Variants in CADM2 observed in about 807,000 individuals in gnomAD.
CADM2 encodes the protein immunoglobulin superfamily member 4D.
In CADM2, 12 loss-of-function variants were observed where a neutral mutation model predicts 49.8. That is an observed-to-expected ratio of 0.24 (90% confidence interval 0.15 to 0.39). The LOEUF (loss-of-function observed/expected upper bound fraction) is 0.39, where lower values mean the gene tolerates loss of function less well. Among genes scored for constraint, CADM2 ranks in the 10% least tolerant of loss-of-function variants. The pLI, the probability that CADM2 is intolerant of heterozygous loss-of-function variation, is 1.00. For missense variants in CADM2, 378 were observed against 492.3 expected (o/e 0.77, Z 2.20); for synonymous variants, 214 against 175.4 (o/e 1.22, Z -1.74).
At chr3:85,048,659 A>G (rs1293955250) in intron 1 of CADM2, among the ~76,000 whole-genome samples, 1 of 152,176 alleles carries the variant, frequency 6.6e-6, no homozygotes, top group Non-Finnish European at 1.5e-5. Context: ...TAATTGAGAG[A>G]ACGTGGCGAT....
At chr3:85,641,108 G>T (rs2064695981) in intron 1 of CADM2, among the ~76,000 whole-genome samples, 1 of 152,100 alleles carries the variant, frequency 6.6e-6, no homozygotes, top group Non-Finnish European at 1.5e-5. Context: ...CCACTGCATT[G>T]CATGTCACAA....
chr3:85,931,701 CA>C (rs1720622963), intron 6 of CADM2, among the ~76,000 whole-genome samples: 1 of 151,778 alleles, frequency 6.6e-6, no homozygotes, highest in Non-Finnish European at 1.5e-5. Context: ...GGAATCTCTC[CA>C]AAATGGAGCA....
At chr3:85,248,344 C>T (rs978530436) in intron 1 of CADM2, among the ~76,000 whole-genome samples, 2 of 152,008 alleles carry the variant, frequency 1.3e-5, no homozygotes, top group Non-Finnish European at 2.9e-5. Context: ...GCCTGATCTT[C>T]ACTCACTGCA....
At chr3:85,261,149 T>G (rs1362476091) in intron 1 of CADM2, among the ~76,000 whole-genome samples, 2 of 152,142 alleles carry the variant, frequency 1.3e-5, no homozygotes, top group East Asian at 1.9e-4. Context: ...TATTTATTTA[T>G]TTTTTGAGAA....
At chr3:85,396,393 T>G (rs758088468) in intron 1 of CADM2, among the ~76,000 whole-genome samples, 2 of 152,114 alleles carry the variant, frequency 1.3e-5, no homozygotes, top group South Asian at 2.1e-4. Context: ...ACTTCATAAC[T>G]TAGTTTTATT....
At chr3:85,557,950 G>GA (rs1049396375) in intron 1 of CADM2, among the ~76,000 whole-genome samples, 1 of 152,006 alleles carries the variant, frequency 6.6e-6, no homozygotes, top group African/African-American at 2.4e-5. Context: ...TTCGTAAAGA[G>GA]AAAACCTGTC....
chr3:85,492,727 T>G (rs1215226683), intron 1 of CADM2, among the ~76,000 whole-genome samples: 1 of 152,222 alleles, frequency 6.6e-6, no homozygotes. Context: ...AAATCATATT[T>G]GAGTTATTAA....
chr3:85,471,308 G>C (rs779263104), intron 1 of CADM2, among the ~76,000 whole-genome samples: 2 of 152,040 alleles, frequency 1.3e-5, no homozygotes, highest in Admixed American at 1.3e-4. Flanking sequence ...AAAAGAGCTT[G>C]GGAGAAAACA....
At chr3:85,464,802 G>T (rs886768798) in intron 1 of CADM2, among the ~76,000 whole-genome samples, 5 of 152,122 alleles carry the variant, frequency 3.3e-5, no homozygotes, top group Non-Finnish European at 7.4e-5. Flanking sequence ...TTGATTAGAT[G>T]TCTTACAGTA....
At chr3:85,990,806 T>C (rs2108701786) in intron 8 of CADM2, among the ~76,000 whole-genome samples, 1 of 152,308 alleles carries the variant, frequency 6.6e-6, no homozygotes, top group South Asian at 2.1e-4. Flanking sequence ...AGATAGACCA[T>C]CCTTTAAAGC....
chr3:85,294,560 C>T (rs917227780), intron 1 of CADM2, among the ~76,000 whole-genome samples: 1 of 151,976 alleles, frequency 6.6e-6, no homozygotes, highest in African/African-American at 2.4e-5. Flanking sequence ...CTACAGTACC[C>T]AAAACAGCAT....
At chr3:86,064,940 G>A (rs1407202047) in intron 8 of CADM2, among the ~76,000 whole-genome samples, 1 of 152,132 alleles carries the variant, frequency 6.6e-6, no homozygotes, top group East Asian at 1.9e-4. Flanking sequence ...GCATTTAACA[G>A]TCTCAACCCC....
chr3:85,120,961 T>C (rs1412338943), intron 1 of CADM2, among the ~76,000 whole-genome samples: 1 of 152,218 alleles, frequency 6.6e-6, no homozygotes, highest in Admixed American at 6.5e-5. Context: ...CCAAAAGTGA[T>C]ATTTCCATGA....
intron 1 of CADM2, among the ~76,000 whole-genome samples, chr3:85,291,850 A>G (rs2043806442): frequency 6.7e-6 from 1 of 149,410 alleles, no homozygotes; most frequent in South Asian, 2.1e-4. Flanking sequence ...AAATGTAAAG[A>G]CCATCGAGAC....
chr3:85,414,572 T>C (rs1484453913), intron 1 of CADM2, among the ~76,000 whole-genome samples: 1 of 152,176 alleles, frequency 6.6e-6, no homozygotes, highest in Non-Finnish European at 1.5e-5. Context: ...ATTTTATTTT[T>C]CTATCTAAAT....
rs866007191 is a variant in CADM2 at position 86,054,153 on chromosome 3, A to T, written c.971-11452A>T. ...ATTTAAGCTTAATATTTTAATATTT[A>T]AAAAAAAGCATAAGTCTTTTCTACT... On this transcript the variant is annotated intron_variant, in intron 8 of 9. Coordinates refer to ENST00000383699, the MANE Select transcript of CADM2 (RefSeq NM_001167675.2). Among the ~76,000 whole-genome samples, 9 of 150,864 alleles carry T rather than the reference A, an allele frequency of 6.0e-5. No individual in the cohort carries two copies. The South Asian group carries it at 6.2e-4, about 10-fold the overall frequency.
chr3:84,982,970 AT>A (rs1267065811), intron 1 of CADM2, among the ~76,000 whole-genome samples: 2 of 148,540 alleles, frequency 1.3e-5, no homozygotes, highest in Non-Finnish European at 2.9e-5. Context: ...GATGGTCTCA[AT>A]CTCCTGACCA....
intron 1 of CADM2, among the ~76,000 whole-genome samples, chr3:85,633,710 TC>T (rs2064377810): frequency 1.3e-5 from 2 of 152,010 alleles, no homozygotes; most frequent in Non-Finnish European, 2.9e-5. Context: ...AGAATAACTT[TC>T]CATAAAAAAG....
At chr3:85,321,373 T>C (rs1270379824) in intron 1 of CADM2, among the ~76,000 whole-genome samples, 1 of 151,180 alleles carries the variant, frequency 6.6e-6, no homozygotes, top group Non-Finnish European at 1.5e-5. Context: ...TTAGTAGACA[T>C]AGGGTTTCGT....
Sources: gnomAD v4.1 joint callset for allele counts (sites outside exome capture counted in the v4.1 genomes callset) on GRCh38, gnomAD v4.1.1 for gene constraint, MANE v1.5 for transcripts, NCBI Gene and HGNC (gene_info 2026-07-23, HGNC 2026-07-21) for gene names.